Variants in UNC13C observed in about 807,000 individuals in gnomAD.
The protein encoded by UNC13C is unc-13 homolog C, also known as protein unc-13 homolog C.
In UNC13C, 174 loss-of-function variants were observed where a neutral mutation model predicts 245.4. That is an observed-to-expected ratio of 0.71 (90% CI 0.63 to 0.80). UNC13C has a LOEUF of 0.80. Ranked by LOEUF, UNC13C falls within the 30% of genes least tolerant of loss-of-function variation. The probability of loss-of-function intolerance (pLI) is 0.00; values close to 1 mark genes in which losing one functional copy is unlikely to be tolerated. For missense variants in UNC13C, 2,829 were observed against 2,602.9 expected, an observed-to-expected ratio of 1.09 and a Z score of -1.89; for synonymous variants, 992 against 895.1, an observed-to-expected ratio of 1.11 and a Z score of -1.93.
At position 54,500,850 on chromosome 15, in the gene UNC13C, G is replaced by T. The variant is rs1484769724; in HGVS notation, c.5173G>T (p.Glu1725Ter). 3 of 1,612,760 alleles carry T rather than the reference G, an allele frequency of 1.9e-6. No homozygotes were observed. Among genetic ancestry groups the T allele is most frequent in the Non-Finnish European group, 2.5e-6 (3 of 1,179,184 alleles). The change falls in exon 22 of 33, where the codon GAG (glutamate) becomes TAG (stop). Residue 1725 changes from glutamate (E) to a stop codon, truncating the protein, a stop_gained. Transcript: ENST00000260323. LOFTEE classifies it high-confidence loss of function. Reference protein sequence around the residue: ...DKKDGFQQTSEHALFSCSVVD... With the variant: ...DKKDGFQQTS ...CTCCCCACAGTTCCAGCAGACATCT[G>T]AGCATGCTCTCTTTTCTTGCTCCGT...
chr15:54,396,006 A>G (rs12102022), intron 18 of UNC13C, among the ~76,000 whole-genome samples: 12,725 of 151,672 alleles, frequency 0.084, 1,789 homozygotes, highest in African/African-American at 0.29. Flanking sequence ...AAATTTCAAT[A>G]TTTCATTAAA....
chr15:53,883,625 G>A, the UNC13C span, among the ~76,000 whole-genome samples: 1 of 152,160 alleles, frequency 6.6e-6, no homozygotes, highest in East Asian at 1.9e-4. Context: ...ATTTAATGCA[G>A]ACAAAGCATG....
intron 30 of UNC13C, among the ~76,000 whole-genome samples, chr15:54,576,513 C>G (rs1245882717): frequency 6.6e-6 from 1 of 152,236 alleles, no homozygotes; most frequent in Non-Finnish European, 1.5e-5. Context: ...AGTTTCACTT[C>G]ATTCTGGCTG....
chr15:54,575,234 C>T (rs1897909578), intron 30 of UNC13C, among the ~76,000 whole-genome samples: 1 of 152,162 alleles, frequency 6.6e-6, no homozygotes, highest in South Asian at 2.1e-4. Context: ...CGGTGTTTCA[C>T]CATGTTGGCC....
intron 26 of UNC13C, among the ~76,000 whole-genome samples, chr15:54,545,698 T>A (rs1207420119): frequency 9.9e-5 from 15 of 152,054 alleles, no homozygotes; most frequent in Admixed American, 8.5e-4. Flanking sequence ...CTAACAAACA[T>A]GAAAAAAAGC....
intron 2 of UNC13C, among the ~76,000 whole-genome samples, chr15:54,098,540 C>T (rs1254336939): frequency 6.6e-6 from 1 of 152,146 alleles, no homozygotes; most frequent in Admixed American, 6.5e-5. Flanking sequence ...ATTCCCAATC[C>T]ACTTTTACAC....
At chr15:54,362,605 T>C (rs530781618) in intron 17 of UNC13C, among the ~76,000 whole-genome samples, 91 of 152,300 alleles carry the variant, frequency 6.0e-4, no homozygotes, top group South Asian at 1.2e-3. Context: ...AACGGAGTTA[T>C]AGAACCATAA....
intron 24 of UNC13C, among the ~76,000 whole-genome samples, 173 bp from the exon 25 acceptor site, chr15:54,525,376 A>C: frequency 6.6e-6 from 1 of 151,682 alleles, no homozygotes; most frequent in African/African-American, 2.4e-5. Context: ...TGGTTTCTTT[A>C]AAGTTTCCTA....
chr15:53,995,212 T>C (rs572844037), intron 1 of UNC13C, among the ~76,000 whole-genome samples: 1 of 152,136 alleles, frequency 6.6e-6, no homozygotes, highest in East Asian at 1.9e-4. Context: ...GATGCAGACA[T>C]ATTGATTTGG....
At chr15:54,321,477 C>A in intron 13 of UNC13C, 2 of 486,160 alleles carry the variant, frequency 4.1e-6, no homozygotes, top group South Asian at 3.0e-5. Flanking sequence ...GCTACATCCA[C>A]CTCCTCCACA....
chr15:54,313,620 T>C (rs2037930945), intron 13 of UNC13C, among the ~76,000 whole-genome samples: 1 of 151,834 alleles, frequency 6.6e-6, no homozygotes, highest in Non-Finnish European at 1.5e-5. Flanking sequence ...CTTTAAAGTA[T>C]ATAATGTAAA....
intron 2 of UNC13C, among the ~76,000 whole-genome samples, chr15:54,140,047 G>C (rs1178742676): frequency 2.6e-5 from 4 of 151,780 alleles, no homozygotes; most frequent in African/African-American, 9.7e-5. Flanking sequence ...CTATTATTTT[G>C]CCAGGACCAT....
chr15:54,474,240 G>A (rs1331437881), intron 19 of UNC13C, among the ~76,000 whole-genome samples: 1 of 151,860 alleles, frequency 6.6e-6, no homozygotes, highest in African/African-American at 2.4e-5. Flanking sequence ...TAGTTTTTAT[G>A]ATAAATCTTC....
At chr15:54,603,191 A>C (rs1056592582) in intron 30 of UNC13C, among the ~76,000 whole-genome samples, 3 of 152,128 alleles carry the variant, frequency 2.0e-5, no homozygotes, top group Admixed American at 1.3e-4. Flanking sequence ...TCAATAAGTA[A>C]TTGCTTTGTT....
intron 30 of UNC13C, among the ~76,000 whole-genome samples, chr15:54,570,926 T>C (rs1175086457): frequency 6.6e-6 from 1 of 152,214 alleles, no homozygotes; most frequent in Non-Finnish European, 1.5e-5. Flanking sequence ...GTTTAATTAT[T>C]GGAGTCTTAT....
chr15:54,530,333 A>T (rs1895678201), intron 25 of UNC13C, among the ~76,000 whole-genome samples: 1 of 152,128 alleles, frequency 6.6e-6, no homozygotes. Flanking sequence ...GAACATTAAG[A>T]TCTGTCCTCT....
the UNC13C span, among the ~76,000 whole-genome samples, chr15:53,881,860 G>A: frequency 6.6e-6 from 1 of 152,292 alleles, no homozygotes. Flanking sequence ...ACAGGGCTGT[G>A]CATCATGCCT....
At chr15:54,122,982 T>C (rs563703346) in intron 2 of UNC13C, among the ~76,000 whole-genome samples, 25 of 152,186 alleles carry the variant, frequency 1.6e-4, no homozygotes, top group African/African-American at 6.0e-4. Flanking sequence ...AATACCTTGG[T>C]TATATGGCAA....
intron 19 of UNC13C, among the ~76,000 whole-genome samples, chr15:54,485,259 T>G (rs73421524): frequency 0.11 from 16,334 of 152,264 alleles, 1,297 homozygotes; most frequent in African/African-American, 0.22. Flanking sequence ...TTTACATTCT[T>G]TCATCCATTT....
Sources: gnomAD v4.1 joint callset for allele counts (sites outside exome capture counted in the v4.1 genomes callset) on GRCh38, gnomAD v4.1.1 for gene constraint, MANE v1.5 for transcripts, NCBI Gene and HGNC (gene_info 2026-07-23, HGNC 2026-07-21) for gene names.